Variants in SZRD1 observed in about 807,000 individuals in gnomAD.
SZRD1 encodes SUZ RNA binding domain containing 1, also known as SUZ RNA-binding domain-containing.
In SZRD1, 7 loss-of-function variants were observed where a neutral mutation model predicts 17.6. The ratio of observed to expected loss-of-function variants is 0.40; its 90% CI spans 0.23 to 0.75. The LOEUF (loss-of-function observed/expected upper bound fraction) is 0.75. Ranked by LOEUF, SZRD1 falls within the 30% of genes least tolerant of loss-of-function variation. SZRD1 has a pLI of 0.38. For synonymous variants in SZRD1, 77 were observed against 77.9 expected, an observed-to-expected ratio of 0.99 and a Z score of 0.06; for missense variants, 178 against 201.8, an observed-to-expected ratio of 0.88 and a Z score of 0.71.
At chr1:16,380,140 AG>A (rs1193820590) in intron 1 of SZRD1, among the ~76,000 whole-genome samples, 2 of 152,160 alleles carry the variant, frequency 1.3e-5, no homozygotes, top group African/African-American at 2.4e-5. Flanking sequence ...AAACAGATTA[AG>A]GGTTTTAGAA....
Position 16,397,412 on chromosome 1 carries a change from T to C in SZRD1, c.*2272T>C, listed in dbSNP as rs947168022. 6.6e-6 allele frequency: 1 copy of C among 152,238 alleles called. No homozygotes were observed. Among genetic ancestry groups the C allele is most frequent in the African/African-American group, 2.4e-5 (1 of 41,456 alleles). The allele number at this position is 152,238 out of a possible 1,614,324, so 9.4% of individuals were successfully genotyped here. Reference sequence around the variant, plus strand: ...GGAGATGAGGAAACGGTTTGGATTTTGTGTGTGGGAGGGTATTTTTTGGGG... The same window carrying C: ...GGAGATGAGGAAACGGTTTGGATTTCGTGTGTGGGAGGGTATTTTTTGGGG... On this transcript the variant is annotated 3_prime_UTR_variant, in exon 4 of 4. Transcript: ENST00000401088. The surrounding 1 kb of genome is among the most constrained non-coding windows in gnomAD (Gnocchi z 5.4).
Position 16,383,109 on chromosome 1 carries a change from A to ACTG in SZRD1, c.52-8265_52-8264insTGC, listed in dbSNP as rs560128778. On this transcript the variant is annotated intron_variant, in intron 1 of 3. Coordinates refer to ENST00000401088, the MANE Select transcript of SZRD1 (RefSeq NM_001114600.3). ...TGGAACTCCTGACCTCAGGTGATGC[A>ACTG]CCCACCTCGGCCTCCCAAAGACACA... Among the ~76,000 whole-genome samples the ACTG allele has an allele frequency of 3.0e-4, 46 of 151,940 alleles. 2 individuals carry two copies. The South Asian group carries it at 7.7e-3, about 25-fold the overall frequency.
chr1:16,381,574 T>C (rs1443259096), intron 1 of SZRD1, among the ~76,000 whole-genome samples: 2 of 131,746 alleles, frequency 1.5e-5, no homozygotes, highest in Admixed American at 7.7e-5. Flanking sequence ...AAAAAAAAGA[T>C]CAGAGAAGGT....
At chr1:16,392,305 G>A (rs1429195269) in intron 2 of SZRD1, among the ~76,000 whole-genome samples, 1 of 152,180 alleles carries the variant, frequency 6.6e-6, no homozygotes, top group Admixed American at 6.5e-5. Flanking sequence ...AGGCTTGTTT[G>A]GTTCTGAAGA....
At chr1:16,378,315 T>G (rs368194518) in intron 1 of SZRD1, among the ~76,000 whole-genome samples, 1 of 148,172 alleles carries the variant, frequency 6.7e-6, no homozygotes. Flanking sequence ...AGATGGAGTC[T>G]TGCTCTGTCG....
intron 1 of SZRD1, among the ~76,000 whole-genome samples, chr1:16,386,658 T>G (rs747738941): frequency 1.2e-4 from 18 of 152,142 alleles, no homozygotes; most frequent in African/African-American, 1.7e-4. Context: ...TGGGCGCCTC[T>G]GAGCATGCTG....
chr1:16,372,219 TCC>T (rs1181681185), intron 1 of SZRD1, among the ~76,000 whole-genome samples: 1 of 152,140 alleles, frequency 6.6e-6, no homozygotes, highest in Non-Finnish European at 1.5e-5. Flanking sequence ...ACGCCTGTAA[TCC>T]CAACACTTTG....
intron 1 of SZRD1, among the ~76,000 whole-genome samples, chr1:16,386,892 C>A (rs1349509056): frequency 6.6e-6 from 1 of 151,714 alleles, no homozygotes; most frequent in Non-Finnish European, 1.5e-5. Flanking sequence ...ACTGGCATTT[C>A]CAGGGGATTT....
chr1:16,386,812 G>C (rs2085133486), intron 1 of SZRD1, among the ~76,000 whole-genome samples: 1 of 152,168 alleles, frequency 6.6e-6, no homozygotes, highest in Non-Finnish European at 1.5e-5. Flanking sequence ...AGTTGGATGA[G>C]AGTTGTAGTT....
At chr1:16,379,762 T>G (rs1436434411) in intron 1 of SZRD1, among the ~76,000 whole-genome samples, 1 of 78,028 alleles carries the variant, frequency 1.3e-5, no homozygotes, top group African/African-American at 3.7e-5. Context: ...GATTTGGGGT[T>G]TTTTTTTTTT....
chr1:16,375,781 A>G (rs2082992537), intron 1 of SZRD1, among the ~76,000 whole-genome samples: 2 of 152,326 alleles, frequency 1.3e-5, no homozygotes, highest in African/African-American at 4.8e-5. Context: ...TGCATTCTTC[A>G]GGGGCCATGG....
chr1:16,387,570 G>T (rs1342532213), intron 1 of SZRD1: 1 of 456,728 alleles, frequency 2.2e-6, no homozygotes, highest in Admixed American at 2.3e-5. Context: ...GTGCCCTGCA[G>T]CCCCTTCACT....
Position 16,367,323 on chromosome 1 carries a change from C to T in SZRD1, c.51+15C>T, listed in dbSNP as rs1318843908. 4 of 1,547,760 alleles carry T rather than the reference C, an allele frequency of 2.6e-6. No individual in the cohort carries two copies. Among genetic ancestry groups the T allele is most frequent in the Admixed American group, 2.0e-5 (1 of 50,958 alleles). On this transcript the variant is annotated intron_variant, in intron 1 of 3. Coordinates refer to ENST00000401088, the MANE Select transcript of SZRD1 (RefSeq NM_001114600.3). ...CAGACAGCGGGGTAAGGAGGAGCCG[C>T]CGTCCCATGGCAGGGCCGGGCGAGA...
chr1:16,393,747 G>T lies in SZRD1; in HGVS notation c.356+265G>T, dbSNP rs1211800596. On this transcript the variant is annotated intron_variant, in intron 3 of 3. Transcript: ENST00000401088. The surrounding 1 kb of genome is among the most constrained non-coding windows in gnomAD (Gnocchi z 5.6). Reference sequence around the variant, plus strand: ...TGGTAGTCACCGGGGGCACTGTTGTGTAGAGAGTGAAGGCACAGATGAGCT... The same window carrying T: ...TGGTAGTCACCGGGGGCACTGTTGTTTAGAGAGTGAAGGCACAGATGAGCT... Among the ~76,000 whole-genome samples the T allele has an allele frequency of 1.3e-5, 2 of 152,212 alleles. No homozygotes were observed. The highest frequency in any genetic ancestry group is 4.8e-5 in the African/African-American group (2 of 41,450).
At chr1:16,376,585 C>T (rs2083006048) in intron 1 of SZRD1, among the ~76,000 whole-genome samples, 1 of 152,058 alleles carries the variant, frequency 6.6e-6, no homozygotes, top group African/African-American at 2.4e-5. Context: ...GCAGGCGGAT[C>T]ACTTGAGGTC....
At chr1:16,394,180 C>T (rs80346834) in intron 3 of SZRD1, among the ~76,000 whole-genome samples, 7 of 152,284 alleles carry the variant, frequency 4.6e-5, no homozygotes, top group East Asian at 1.9e-4. Context: ...AAAAAATCTG[C>T]GTACCTTCTT....
At chr1:16,368,483 GGTT>G (rs142324610) in intron 1 of SZRD1, among the ~76,000 whole-genome samples, 41,877 of 151,970 alleles carry the variant, frequency 0.28, 6,624 homozygotes, top group Non-Finnish European at 0.37. Flanking sequence ...TTCTCTCAAC[GGTT>G]GTTTATGTTT....
intron 1 of SZRD1, chr1:16,369,583 T>A (rs753450410): frequency 7.9e-5 from 51 of 648,048 alleles, no homozygotes; most frequent in Non-Finnish European, 1.2e-4. Flanking sequence ...CTTACTTTAG[T>A]AATATCCTTT....
chr1:16,387,100 G>A (rs2085137728), intron 1 of SZRD1: 1 of 337,520 alleles, frequency 3.0e-6, no homozygotes, highest in Non-Finnish European at 5.8e-6. Context: ...AATGTTGACA[G>A]CCATAATACA....
Sources: gnomAD v4.1 joint callset for allele counts (sites outside exome capture counted in the v4.1 genomes callset) on GRCh38, gnomAD v4.1.1 for gene constraint, Gnocchi (gnomAD v3.1) non-coding constraint, MANE v1.5 for transcripts, NCBI Gene and HGNC (gene_info 2026-07-23, HGNC 2026-07-21) for gene names.